CCDC88C: variants seen among roughly 807,000 people sequenced by gnomAD.
CCDC88C encodes coiled-coil and HOOK domain protein 88C, also known as protein Daple.
Under a neutral mutation model 198.8 loss-of-function variants are expected in CCDC88C, and 131 were observed. The ratio of observed to expected loss-of-function variants is 0.66; its 90% CI spans 0.57 to 0.76. The LOEUF (loss-of-function observed/expected upper bound fraction) is 0.76, where lower values mean the gene tolerates loss of function less well. CCDC88C is among the 30% of genes least tolerant of loss of function. The probability of loss-of-function intolerance (pLI) is 0.00; values close to 1 mark genes in which losing one functional copy is unlikely to be tolerated. For synonymous variants in CCDC88C, 1,166 were observed against 1,114.7 expected (o/e 1.05, Z -0.92); for missense variants, 2,553 against 2,631.6 (o/e 0.97, Z 0.65).
chr14:91,272,200 T>G lies in CCDC88C; in HGVS notation c.*425A>C. The G allele has an allele frequency of 6.2e-6, 1 of 161,160 alleles. No individual in the cohort carries two copies. The highest frequency in any genetic ancestry group is 1.7e-4 in the South Asian group (1 of 5,888). The allele number at this position is 161,160 out of a possible 1,614,324, so 10.0% of individuals were successfully genotyped here. On this transcript the variant is annotated 3_prime_UTR_variant, in exon 30 of 30. Transcript: ENST00000389857. Reference sequence around the variant, plus strand: ...GATCCAGTGGCCTTGGGAGAGGGAGTGGGCTTTCTGACCCGCCAGGCCTGA... The same window carrying G: ...GATCCAGTGGCCTTGGGAGAGGGAGGGGGCTTTCTGACCCGCCAGGCCTGA...
At chr14:91,388,264 C>G (rs1032903459) in intron 3 of CCDC88C, among the ~76,000 whole-genome samples, 1 of 152,218 alleles carries the variant, frequency 6.6e-6, no homozygotes, top group Non-Finnish European at 1.5e-5. Flanking sequence ...TCATCTGTCA[C>G]ACAGAAGTGA....
intron 3 of CCDC88C, among the ~76,000 whole-genome samples, chr14:91,373,121 G>T (rs1894900795): frequency 1.3e-5 from 2 of 152,156 alleles, no homozygotes; most frequent in African/African-American, 4.8e-5. Flanking sequence ...AGATCCCCAG[G>T]AATGCACAAA....
intron 3 of CCDC88C, among the ~76,000 whole-genome samples, chr14:91,378,391 T>C (rs957863170): frequency 6.6e-6 from 1 of 152,184 alleles, no homozygotes; most frequent in Non-Finnish European, 1.5e-5. Context: ...GCGCTGGGCC[T>C]GACATGCAGG....
chr14:91,392,711 C>T (rs28624795), intron 3 of CCDC88C, among the ~76,000 whole-genome samples: 20,406 of 151,300 alleles, frequency 0.13, 1,855 homozygotes, highest in Admixed American at 0.2. Context: ...GGCGGCCCCT[C>T]ACTGCAACCC....
intron 20 of CCDC88C, among the ~76,000 whole-genome samples, chr14:91,301,312 A>G (rs1596043084): frequency 6.6e-6 from 1 of 152,332 alleles, no homozygotes; most frequent in South Asian, 2.1e-4. Context: ...CTGTCCAACC[A>G]GCAAAAAGCA....
chr14:91,367,664 C>T (rs1596119461), intron 3 of CCDC88C, among the ~76,000 whole-genome samples: 1 of 152,124 alleles, frequency 6.6e-6, no homozygotes, highest in East Asian at 1.9e-4. Flanking sequence ...TCTGGGAAGG[C>T]TTCCCAGAGG....
At chr14:91,410,351 G>T (rs77916708) in intron 2 of CCDC88C, among the ~76,000 whole-genome samples, 1,673 of 152,286 alleles carry the variant, frequency 0.011, 26 homozygotes, top group African/African-American at 0.038. Context: ...TGAAGGTGCT[G>T]AGCCTCTTGG....
Position 91,307,208 on chromosome 14 carries a change from T to G in CCDC88C, c.3025A>C (p.Thr1009Pro). Reference sequence around the variant, plus strand: ...CCCTCTCCCTGGTTCTGCCTGAGGGTCTCACACTCCTTCTTTAGCTACAGG... The same window carrying G: ...CCCTCTCCCTGGTTCTGCCTGAGGGGCTCACACTCCTTCTTTAGCTACAGG... ...ELQMLKKECETLRQNQGEGQH... is the reference protein window; with the variant it reads ...ELQMLKKECEPLRQNQGEGQH... The change falls in exon 18 of 30, where the codon ACC becomes CCC. Residue 1009 changes from threonine (T) to proline (P), a missense_variant. Coordinates refer to ENST00000389857, the MANE Select transcript of CCDC88C (RefSeq NM_001080414.4). The G allele has an allele frequency of 6.2e-7, 1 of 1,613,626 alleles. No individual in the cohort carries two copies. Among genetic ancestry groups the G allele is most frequent in the Non-Finnish European group, 8.5e-7 (1 of 1,179,858 alleles).
chr14:91,299,811 A>C, intron 21 of CCDC88C, 116 bp downstream of exon 21: 1 of 1,328,992 alleles, frequency 7.5e-7, no homozygotes, highest in South Asian at 1.6e-5. Context: ...TCACACAGCA[A>C]GGGATAAAAA....
intron 27 of CCDC88C, chr14:91,279,544 T>G: frequency 2.5e-6 from 1 of 399,982 alleles, no homozygotes; most frequent in Non-Finnish European, 4.5e-6. Flanking sequence ...TTATCTACAT[T>G]TATGAGGCCT....
At chr14:91,413,538 G>A (rs970003753) in intron 2 of CCDC88C, among the ~76,000 whole-genome samples, 4 of 152,172 alleles carry the variant, frequency 2.6e-5, no homozygotes, top group African/African-American at 9.7e-5. Flanking sequence ...GTGCTGGTAG[G>A]TACCCAAGAC....
At chr14:91,328,389 C>T (rs996711720) in intron 10 of CCDC88C, among the ~76,000 whole-genome samples, 1 of 152,212 alleles carries the variant, frequency 6.6e-6, no homozygotes, top group Non-Finnish European at 1.5e-5. Context: ...AGGGCTCCCC[C>T]GGGCACCTGG....
intron 3 of CCDC88C, among the ~76,000 whole-genome samples, chr14:91,399,770 C>CA (rs1434508224): frequency 6.8e-6 from 1 of 147,254 alleles, no homozygotes; most frequent in Non-Finnish European, 1.5e-5. Flanking sequence ...ACCCAGGAGG[C>CA]AGAGGTTGCA....
In CCDC88C at chr14:91,307,188, TC is replaced by T; in HGVS notation, c.3044del (p.Gly1015GlufsTer41). 2.5e-6 allele frequency: 4 copies of T among 1,613,824 alleles called. No homozygotes were observed. The highest frequency in any genetic ancestry group is 3.4e-6 in the Non-Finnish European group (4 of 1,179,886). ...KECETLRQNQGEGQHLQNSFK... is the reference protein window; with the variant it reads ...KECETLRQNQXEGQHLQNSFK... ...AAGAGTTCTGCAAGTGCTGCCCCTC[TC>T]CCTGGTTCTGCCTGAGGGTCTCACA... is the stretch of plus-strand genomic sequence containing the variant. On this transcript the variant is annotated frameshift_variant, in exon 18 of 30. Transcript: ENST00000389857. LOFTEE classifies it high-confidence loss of function.
chr14:91,330,533 G>A (rs1187964608), intron 10 of CCDC88C, among the ~76,000 whole-genome samples: 1 of 152,186 alleles, frequency 6.6e-6, no homozygotes, highest in African/African-American at 2.4e-5. Flanking sequence ...CAGTGAGGCT[G>A]AGCCACACTC....
intron 3 of CCDC88C, among the ~76,000 whole-genome samples, chr14:91,364,069 T>C (rs1315839438): frequency 6.6e-6 from 1 of 152,234 alleles, no homozygotes; most frequent in Non-Finnish European, 1.5e-5. Flanking sequence ...GAGCCCTCCT[T>C]GTGCCACTCT....
chr14:91,381,297 TCAAA>T lies in CCDC88C; in HGVS notation c.271-21590_271-21587del, dbSNP rs1884777055. 6.6e-6 allele frequency among the ~76,000 whole-genome samples: 1 copy of T among 151,946 alleles called. No individual in the cohort carries two copies. ...CCGTGAGGGGGTCAAACTCCAAATC[TCAAA>T]CAACCTGTGCACAGGGTACTGGGGA... On this transcript the variant is annotated intron_variant, in intron 3 of 29. Transcript: ENST00000389857. The surrounding 1 kb of genome is among the most constrained non-coding windows in gnomAD (Gnocchi z 4.2).
At chr14:91,347,564 C>G (rs991036654) in intron 4 of CCDC88C, among the ~76,000 whole-genome samples, 2 of 151,998 alleles carry the variant, frequency 1.3e-5, no homozygotes, top group Admixed American at 1.3e-4. Context: ...ATTTATGCAG[C>G]CAAAAAACAC....
intron 4 of CCDC88C, among the ~76,000 whole-genome samples, chr14:91,355,906 C>G (rs2139896232): frequency 6.6e-6 from 1 of 152,180 alleles, no homozygotes; most frequent in Non-Finnish European, 1.5e-5. Flanking sequence ...AATCTGGGAG[C>G]TTGTGATGCT....
Sources: gnomAD v4.1 joint callset for allele counts (sites outside exome capture counted in the v4.1 genomes callset) on GRCh38, gnomAD v4.1.1 for gene constraint, Gnocchi (gnomAD v3.1) non-coding constraint, MANE v1.5 for transcripts, NCBI Gene and HGNC (gene_info 2026-07-23, HGNC 2026-07-21) for gene names.